Variants in QTMAN observed in about 807,000 individuals in gnomAD.
QTMAN encodes tRNA-queuosine alpha-mannosyltransferase.
the QTMAN span, among the ~76,000 whole-genome samples, chr2:144,217,623 GATTCCTCCCAGAGTCCAACATAATC>G: frequency 1.1e-4 from 17 of 152,104 alleles, no homozygotes; most frequent in Admixed American, 9.8e-4. Flanking sequence ...AATCTCTTGG[GATTCCTCCCAGAGTCCAACATAATC>G]ATAACTCCTC....
chr2:144,200,584 G>T, the QTMAN span, among the ~76,000 whole-genome samples: 2 of 152,314 alleles, frequency 1.3e-5, no homozygotes, highest in East Asian at 1.9e-4. Context: ...GTGTTGGGCC[G>T]CATTCAAAGC....
At chr2:144,048,153 G>A in the QTMAN span, among the ~76,000 whole-genome samples, 1 of 152,170 alleles carries the variant, frequency 6.6e-6, no homozygotes, top group Non-Finnish European at 1.5e-5. Context: ...ACCCAGGGTG[G>A]GGGTGGTCAA....
the QTMAN span, among the ~76,000 whole-genome samples, chr2:144,165,798 A>G: frequency 2.6e-5 from 4 of 152,192 alleles, no homozygotes; most frequent in Non-Finnish European, 2.9e-5. Flanking sequence ...CTCTCCCTGA[A>G]TTTCCATTAA....
At chr2:144,076,045 A>C in the QTMAN span, among the ~76,000 whole-genome samples, 1 of 152,112 alleles carries the variant, frequency 6.6e-6, no homozygotes, top group Non-Finnish European at 1.5e-5. Flanking sequence ...TCAGGAGATC[A>C]AGACCATCCT....
At chr2:144,254,112 T>G in the QTMAN span, among the ~76,000 whole-genome samples, 6 of 152,152 alleles carry the variant, frequency 3.9e-5, no homozygotes, top group African/African-American at 1.4e-4. Context: ...GTCCCATGGG[T>G]GCACAAAAGT....
chr2:144,313,749 ATACT>A, the QTMAN span, among the ~76,000 whole-genome samples: 1 of 151,770 alleles, frequency 6.6e-6, no homozygotes, highest in African/African-American at 2.4e-5. Context: ...AATTTCATAT[ATACT>A]TAATCAATCT....
the QTMAN span, among the ~76,000 whole-genome samples, chr2:143,974,162 C>T: frequency 3.1e-4 from 47 of 152,256 alleles, no homozygotes; most frequent in African/African-American, 1.1e-3. Flanking sequence ...AACATATGTA[C>T]GGTAGTATGC....
chr2:144,231,904 C>T, the QTMAN span, among the ~76,000 whole-genome samples: 4 of 144,628 alleles, frequency 2.8e-5, no homozygotes, highest in African/African-American at 1.0e-4. Flanking sequence ...TATCTTTACT[C>T]GCTAATGTTA....
the QTMAN span, among the ~76,000 whole-genome samples, chr2:144,321,744 A>G: frequency 1.3e-5 from 2 of 152,146 alleles, no homozygotes; most frequent in Non-Finnish European, 2.9e-5. Context: ...CTGGGACTAC[A>G]GGTGTACACT....
At chr2:144,149,219 C>T in the QTMAN span, among the ~76,000 whole-genome samples, 4 of 151,960 alleles carry the variant, frequency 2.6e-5, no homozygotes, top group East Asian at 7.7e-4. Context: ...TTTTATCATC[C>T]CACAGTGTGT....
the QTMAN span, among the ~76,000 whole-genome samples, chr2:143,962,518 T>C: frequency 1.8e-3 from 280 of 152,286 alleles, no homozygotes; most frequent in Middle Eastern, 6.8e-3. Flanking sequence ...ACTATTATGA[T>C]TATCTTCTTG....
the QTMAN span, among the ~76,000 whole-genome samples, chr2:144,188,117 G>A: frequency 6.6e-6 from 1 of 152,200 alleles, no homozygotes; most frequent in Non-Finnish European, 1.5e-5. Context: ...TCTGGCCTCA[G>A]AACTGTGAGA....
At chr2:144,165,388 A>G in the QTMAN span, among the ~76,000 whole-genome samples, 2,314 of 150,154 alleles carry the variant, frequency 0.015, 58 homozygotes, top group African/African-American at 0.053. Flanking sequence ...TAAATAAATA[A>G]ATATAAATAA....
the QTMAN span, chr2:143,951,993 G>T: frequency 6.5e-7 from 1 of 1,550,330 alleles, no homozygotes; most frequent in Non-Finnish European, 8.9e-7. Context: ...TTATAGAGAT[G>T]TTTTCTTATA....
At chr2:144,089,476 G>C in the QTMAN span, among the ~76,000 whole-genome samples, 1 of 151,830 alleles carries the variant, frequency 6.6e-6, no homozygotes, top group Non-Finnish European at 1.5e-5. Flanking sequence ...CAATATCAAA[G>C]CAATAACTGT....
At chr2:144,203,462 G>A in the QTMAN span, among the ~76,000 whole-genome samples, 2 of 152,184 alleles carry the variant, frequency 1.3e-5, no homozygotes, top group African/African-American at 4.8e-5. Flanking sequence ...AGGCCGCGGT[G>A]TGTGCTGGCT....
At chr2:144,012,168 A>G in the QTMAN span, among the ~76,000 whole-genome samples, 28 of 151,488 alleles carry the variant, frequency 1.8e-4, no homozygotes, top group Non-Finnish European at 3.4e-4. Flanking sequence ...TTTCCTTCCC[A>G]CCTCTGTCCG....
At chr2:144,144,490 G>T in the QTMAN span, among the ~76,000 whole-genome samples, 4 of 151,804 alleles carry the variant, frequency 2.6e-5, no homozygotes, top group African/African-American at 9.7e-5. Flanking sequence ...TTTCCATATT[G>T]ATAAAGCACA....
At chr2:143,946,997 G>A in the QTMAN span, 1 of 1,271,212 alleles carries the variant, frequency 7.9e-7, no homozygotes, top group Non-Finnish European at 1.1e-6. Flanking sequence ...GGCACACTCT[G>A]GAAAGTTCTT....
Sources: gnomAD v4.1 joint callset for allele counts (sites outside exome capture counted in the v4.1 genomes callset) on GRCh38, gnomAD v4.1.1 for gene constraint, MANE v1.5 for transcripts, NCBI Gene and HGNC (gene_info 2026-07-23, HGNC 2026-07-21) for gene names.